Variants in ETAA1 observed in about 807,000 individuals in gnomAD.
ETAA1 encodes ewing's tumor-associated antigen 1.
ETAA1 carries 49 observed loss-of-function variants against 76.8 expected under a neutral mutation model. That is an observed-to-expected ratio of 0.64 (90% CI 0.51 to 0.81). The LOEUF is 0.81. Ranked by LOEUF, ETAA1 falls within the 30% of genes least tolerant of loss-of-function variation. The pLI, the probability that ETAA1 is intolerant of heterozygous loss-of-function variation, is 0.00. For missense variants in ETAA1, 1,099 were observed against 1,074.0 expected, an observed-to-expected ratio of 1.02 and a Z score of -0.32; for synonymous variants, 373 against 372.2, an observed-to-expected ratio of 1.00 and a Z score of -0.03.
At chr2:67,399,851 A>AT (rs753541673) in intron 3 of ETAA1, among the ~76,000 whole-genome samples, 10 of 152,132 alleles carry the variant, frequency 6.6e-5, no homozygotes, top group Non-Finnish European at 1.3e-4. Context: ...TCTTGTTTTA[A>AT]TTTTTTAGAG....
chr2:67,402,839 C>G, intron 3 of ETAA1, 23 bp from the exon 4 acceptor site: 2 of 1,547,276 alleles, frequency 1.3e-6, no homozygotes, highest in Non-Finnish European at 1.7e-6. Context: ...CTTTATACCT[C>G]TTTTTTTCCC....
Position 67,404,278 on chromosome 2 carries a change from G to A in ETAA1, c.1596G>A (p.Gln532=). ...TGAACACAAGGTATTCTAATGAACA[G>A]AAAAATAAGTGCATTTTAAATCAGT... The part of the protein sequence containing the change: ...SALNTRYSNE[Q]KNKCILNQSI... The change falls in exon 5 of 6, where the codon CAG becomes CAA. Residue 532 remains glutamine (Q), a synonymous_variant. Transcript: ENST00000272342. The A allele has an allele frequency of 6.2e-7, 1 of 1,612,046 alleles. No homozygotes were observed. The highest frequency in any genetic ancestry group is 8.5e-7 in the Non-Finnish European group (1 of 1,179,138).
At chr2:67,399,514 TG>T in intron 2 of ETAA1, 35 bp from the exon 3 acceptor site, 1 of 1,503,440 alleles carries the variant, frequency 6.7e-7, no homozygotes, top group Non-Finnish European at 9.1e-7. Context: ...GAGGGTTTTT[TG>T]TTTAAAATTT....
chr2:67,401,229 T>C (rs1048526696), intron 3 of ETAA1: 1 of 152,066 alleles, frequency 6.6e-6, no homozygotes, highest in African/African-American at 2.4e-5. Context: ...ACTGAGTACT[T>C]TTAAAGCATA....
intron 5 of ETAA1, among the ~76,000 whole-genome samples, chr2:67,406,515 C>T (rs927424255): frequency 2.6e-5 from 4 of 151,996 alleles, no homozygotes; most frequent in African/African-American, 9.7e-5. Flanking sequence ...TTCCAACTTT[C>T]CTATCTAAGT....
In ETAA1 at chr2:67,397,375, G is replaced by A; in HGVS notation, c.-74G>A. ...CTGCCGTTGGTGCGGGGTGCGGTTT[G>A]TAGTGCTGTTGCCCTACTCATCCCT... On this transcript the variant is annotated 5_prime_UTR_variant, in exon 1 of 6. Coordinates refer to ENST00000272342, the MANE Select transcript of ETAA1 (RefSeq NM_019002.4). 6.9e-7 allele frequency: 1 copy of A among 1,455,056 alleles called. No individual in the cohort carries two copies. The highest frequency in any genetic ancestry group is 9.4e-7 in the Non-Finnish European group (1 of 1,060,930). The allele number at this position is 1,455,056 out of a possible 1,614,324, so 90.1% of individuals were successfully genotyped here.
At chr2:67,405,979 A>G (rs887069119) in intron 5 of ETAA1, among the ~76,000 whole-genome samples, 2 of 152,080 alleles carry the variant, frequency 1.3e-5, no homozygotes, top group Admixed American at 6.6e-5. Context: ...ACATTTCTTG[A>G]TGAGACTACT....
chr2:67,399,144 G>T (rs1326362500), intron 1 of ETAA1, 25 bp from the exon 2 acceptor site: 2 of 1,596,310 alleles, frequency 1.3e-6, no homozygotes, highest in African/African-American at 1.4e-5. Flanking sequence ...TGCAACAATT[G>T]TTATTTTACT....
In ETAA1 at chr2:67,403,793, A is replaced by G. The variant is rs760261812; in HGVS notation, c.1111A>G (p.Ile371Val). Residue 371 changes from isoleucine (I) to valine (V), a missense_variant, in exon 5 of 6, where the codon ATT (isoleucine) becomes GTT (valine). Around this residue, in one of 3 missense-constraint regions of ETAA1, gnomAD observed 761 missense variants for 731.9 expected, o/e 1.04. Coordinates refer to ENST00000272342, the MANE Select transcript of ETAA1 (RefSeq NM_019002.4). ...GGAGCCAGAAACTTCTAATAAGTAC[A>G]TTGATGCATTTACTACAAGTGATTT... ...TKEPETSNKYIDAFTTSDFED... is the reference protein window; with the variant it reads ...TKEPETSNKYVDAFTTSDFED... The G allele has an allele frequency of 8.7e-6, 14 of 1,613,370 alleles. No homozygotes were observed. Among genetic ancestry groups the G allele is most frequent in the Non-Finnish European group, 1.1e-5 (13 of 1,179,460 alleles).
Position 67,405,010 on chromosome 2 carries a change from G to A in ETAA1, c.2328G>A (p.Leu776=). 6.2e-7 allele frequency: 1 copy of A among 1,611,686 alleles called. No individual in the cohort carries two copies. Among genetic ancestry groups the A allele is most frequent in the Non-Finnish European group, 8.5e-7 (1 of 1,178,692 alleles). Residue 776 remains leucine (L), a synonymous_variant, in exon 5 of 6, where the codon TTG becomes TTA. Transcript: ENST00000272342. ...TGGTTCTTCCAGGAAGTTCAAGTTT[G>A]AATGTAACTTCAGATCATATGAATA... ...SKLVLPGSSS[L]NVTSDHMNTE...
intron 5 of ETAA1, among the ~76,000 whole-genome samples, chr2:67,409,432 T>C (rs568102190): frequency 9.2e-5 from 14 of 152,126 alleles, no homozygotes; most frequent in African/African-American, 3.1e-4. Flanking sequence ...ATTTTATAGC[T>C]CTATAGGGAA....
chr2:67,409,204 G>T (rs1006827593), intron 5 of ETAA1, among the ~76,000 whole-genome samples: 13 of 151,876 alleles, frequency 8.6e-5, no homozygotes, highest in African/African-American at 2.7e-4. Context: ...ATGTATTAGG[G>T]TGATAGTCTT....
At chr2:67,401,437 A>G (rs1676053680) in intron 3 of ETAA1, 1 of 151,870 alleles carries the variant, frequency 6.6e-6, no homozygotes, top group South Asian at 2.1e-4. Flanking sequence ...CTTTTATACA[A>G]TGTTGTTTAT....
intron 5 of ETAA1, among the ~76,000 whole-genome samples, chr2:67,409,153 G>T (rs761920113): frequency 2.6e-5 from 4 of 151,948 alleles, no homozygotes; most frequent in Admixed American, 1.3e-4. Flanking sequence ...CATAAATTGT[G>T]TATCTTTTTC....
chr2:67,398,165 A>G lies in ETAA1; in HGVS notation c.223+494A>G, dbSNP rs557566155. The stretch of plus-strand genomic sequence containing the variant: ...TAAACCGGAAGTTCCTGTGTGTAAC[A>G]TCCCTCCAAATAAGATACTAAGGAT... On this transcript the variant is annotated intron_variant, in intron 1 of 5. Transcript: ENST00000272342. 9.8e-5 allele frequency among the ~76,000 whole-genome samples: 15 copies of G among 152,292 alleles called. No homozygotes were observed. In the South Asian group the frequency reaches 3.1e-3, roughly 32 times the overall value.
rs1676373742 is a variant in ETAA1 at position 67,411,707 on chromosome 2, G to C, written c.*1669G>C. The C allele has an allele frequency of 6.6e-6, 1 of 152,036 alleles. No individual in the cohort carries two copies. Among genetic ancestry groups the C allele is most frequent in the Non-Finnish European group, 1.5e-5 (1 of 67,968 alleles). The allele number at this position is 152,036 out of a possible 1,614,324, so 9.4% of individuals were successfully genotyped here. A position where few individuals can be genotyped will look rare whatever the true frequency, so the allele number is the denominator to read the frequency against. ...AGTTGGAGACTGTACATCAAAAATG[G>C]TATTTTCATATCTACAGTGGAGTAC... is the stretch of plus-strand genomic sequence containing the variant. On this transcript the variant is annotated 3_prime_UTR_variant, in exon 6 of 6. Coordinates refer to ENST00000272342, the MANE Select transcript of ETAA1 (RefSeq NM_019002.4).
intron 3 of ETAA1, chr2:67,402,166 T>C (rs1676074579): frequency 6.6e-6 from 1 of 151,942 alleles, no homozygotes; most frequent in Non-Finnish European, 1.5e-5. Context: ...TTTTTTTGTG[T>C]GATCAAGTGA....
At position 67,405,195 on chromosome 2, in the gene ETAA1, A is replaced by G; in HGVS notation, c.2513A>G (p.Asn838Ser). The G allele has an allele frequency of 2.5e-6, 4 of 1,612,654 alleles. No homozygotes were observed. Among genetic ancestry groups the G allele is most frequent in the Non-Finnish European group, 3.4e-6 (4 of 1,179,186 alleles). Residue 838 changes from asparagine (N) to serine (S), a missense_variant, in exon 5 of 6, where the codon AAT (asparagine) becomes AGT (serine). Physicochemically the swap from Asn to Ser is conservative, Grantham distance 46 (BLOSUM62 1). Around this residue, in one of 3 missense-constraint regions of ETAA1, gnomAD observed 302 missense variants for 278.1 expected, o/e 1.09. Transcript: ENST00000272342. ...NSQILSQFNQ[N>S]CITGSMSDTK... ...CAGATTCTTTCTCAGTTTAATCAAA[A>G]TTGTATAACTGGAAGTATGTCTGAT... is the stretch of plus-strand genomic sequence containing the variant.
At chr2:67,400,071 C>G (rs991958337) in intron 3 of ETAA1, among the ~76,000 whole-genome samples, 2 of 152,140 alleles carry the variant, frequency 1.3e-5, no homozygotes, top group East Asian at 1.9e-4. Flanking sequence ...GAAACACTTA[C>G]AAAAGTGGAG....
Sources: allele counts gnomAD v4.1 joint callset (sites outside exome capture counted in the v4.1 genomes callset), GRCh38; gene constraint gnomAD v4.1.1; regional missense constraint gnomAD v4.1.1; transcripts MANE v1.5; gene names NCBI Gene and HGNC (gene_info 2026-07-23, HGNC 2026-07-21).